Variants in CDK19 observed in about 807,000 individuals in gnomAD.
CDK19 encodes cyclin-dependent kinase 19.
In CDK19, 20 loss-of-function variants were observed where a neutral mutation model predicts 68.3. The observed-to-expected ratio is 0.29, with a 90% CI of 0.21 to 0.43. CDK19 has a LOEUF of 0.43. Among genes scored for constraint, CDK19 ranks in the 20% least tolerant of loss-of-function variants. The pLI is 1.00. For missense variants in CDK19, 339 were observed against 623.5 expected (o/e 0.54, Z 4.86); for synonymous variants, 221 against 222.8 (o/e 0.99, Z 0.07).
chr6:110,683,383 T>C (rs1431695154), intron 2 of CDK19, among the ~76,000 whole-genome samples: 2 of 152,136 alleles, frequency 1.3e-5, no homozygotes, highest in Admixed American at 1.3e-4. Flanking sequence ...AAAATTTCAA[T>C]GCTAACCACT....
intron 1 of CDK19, among the ~76,000 whole-genome samples, chr6:110,753,486 C>T (rs1778617142): frequency 6.6e-6 from 1 of 151,596 alleles, no homozygotes; most frequent in Non-Finnish European, 1.5e-5. Context: ...CAGACTCAAG[C>T]AATCCTCTCA....
At chr6:110,705,042 G>GTTT (rs71664467) in intron 2 of CDK19, among the ~76,000 whole-genome samples, 11 of 140,848 alleles carry the variant, frequency 7.8e-5, no homozygotes, top group Non-Finnish European at 1.1e-4. Flanking sequence ...AAGAAATGTA[G>GTTT]TTTTTTTTTT....
At chr6:110,728,301 AAAG>A (rs1205306575) in intron 2 of CDK19, among the ~76,000 whole-genome samples, 4 of 151,010 alleles carry the variant, frequency 2.6e-5, no homozygotes, top group Non-Finnish European at 4.4e-5. Context: ...AAAAAAAAAA[AAAG>A]AGAGAGAGAG....
intron 1 of CDK19, among the ~76,000 whole-genome samples, chr6:110,751,413 A>G (rs953764142): frequency 4.6e-5 from 7 of 151,736 alleles, no homozygotes; most frequent in African/African-American, 1.7e-4. Context: ...CCTTATGAGA[A>G]TCTAATGCCT....
chr6:110,745,089 T>C (rs1777979404), intron 2 of CDK19, among the ~76,000 whole-genome samples: 1 of 152,218 alleles, frequency 6.6e-6, no homozygotes. Flanking sequence ...TGTGATATTA[T>C]GGTAAAGCCC....
chr6:110,681,672 CTT>C (rs1772029183), intron 2 of CDK19, among the ~76,000 whole-genome samples: 1 of 152,184 alleles, frequency 6.6e-6, no homozygotes, highest in Non-Finnish European at 1.5e-5. Flanking sequence ...ACTTTAATCT[CTT>C]GTCTAACAAA....
At chr6:110,738,764 G>A (rs1256356321) in intron 2 of CDK19, among the ~76,000 whole-genome samples, 1 of 152,090 alleles carries the variant, frequency 6.6e-6, no homozygotes, top group Non-Finnish European at 1.5e-5. Flanking sequence ...ATTTAAAAAA[G>A]CAAAGGTTTA....
At chr6:110,714,541 T>A (rs148899964) in intron 2 of CDK19, among the ~76,000 whole-genome samples, 81 of 152,216 alleles carry the variant, frequency 5.3e-4, no homozygotes, top group African/African-American at 2.0e-3. Context: ...GGGTCCAATG[T>A]CTCTAAATCC....
At chr6:110,774,980 G>C (rs559827342) in intron 1 of CDK19, among the ~76,000 whole-genome samples, 86 of 152,080 alleles carry the variant, frequency 5.7e-4, no homozygotes, top group African/African-American at 2.0e-3. Context: ...GGGTGCGGTG[G>C]CTCACACCTG....
At chr6:110,657,448 T>C (rs956266026) in intron 4 of CDK19, among the ~76,000 whole-genome samples, 1 of 152,222 alleles carries the variant, frequency 6.6e-6, no homozygotes, top group Admixed American at 6.5e-5. Flanking sequence ...CCTGTGGTGT[T>C]AATTGCCCAG....
At chr6:110,703,216 G>C (rs917130842) in intron 2 of CDK19, among the ~76,000 whole-genome samples, 1 of 152,080 alleles carries the variant, frequency 6.6e-6, no homozygotes, top group African/African-American at 2.4e-5. Context: ...GAAAACACCA[G>C]TGCACATCAT....
chr6:110,686,890 A>T (rs1289509768), intron 2 of CDK19, among the ~76,000 whole-genome samples: 1 of 152,164 alleles, frequency 6.6e-6, no homozygotes, highest in Admixed American at 6.5e-5. Flanking sequence ...TATCTTTATA[A>T]CTTACACTTC....
rs145535321 is a variant in CDK19, at chr6:110,815,100, G to A, written c.37C>T (p.Arg13Trp). The change falls in exon 1 of 13, where the codon CGG becomes TGG. Residue 13 changes from arginine to tryptophan, a missense_variant. Physicochemically the swap from Arg to Trp is moderately radical, Grantham distance 101. Transcript: ENST00000368911. ...YDFKAKLAAE[R>W]ERVEDLFEYE... ...TCAAACAAATCCTCCACCCGCTCCC[G>A]CTCCGCCGCCAGCTTCGCCTTGAAA... The A allele has an allele frequency of 1.2e-6, 2 of 1,601,954 alleles. No homozygotes were observed. Among genetic ancestry groups the A allele is most frequent in the African/African-American group, 1.4e-5 (1 of 72,894 alleles).
chr6:110,715,521 C>T (rs1055342453), intron 2 of CDK19, among the ~76,000 whole-genome samples: 8 of 152,092 alleles, frequency 5.3e-5, no homozygotes, highest in Non-Finnish European at 1.2e-4. Context: ...AGACTAGTCG[C>T]TCTGTTGCCC....
At chr6:110,771,445 G>A (rs552168908) in intron 1 of CDK19, among the ~76,000 whole-genome samples, 84 of 152,094 alleles carry the variant, frequency 5.5e-4, no homozygotes, top group Non-Finnish European at 1.1e-3. Context: ...TGGGATGCAG[G>A]GCACCAAGTC....
chr6:110,670,739 T>C, intron 2 of CDK19, 198 bp from the exon 3 acceptor site: 1 of 640,894 alleles, frequency 1.6e-6, no homozygotes, highest in Non-Finnish European at 2.8e-6. Flanking sequence ...TTTCCAATCC[T>C]TTTTCTATGT....
At chr6:110,674,752 A>C (rs2114474518) in intron 2 of CDK19, among the ~76,000 whole-genome samples, 1 of 152,270 alleles carries the variant, frequency 6.6e-6, no homozygotes, top group South Asian at 2.1e-4. Flanking sequence ...AATAGAAAAA[A>C]TTAGCTGGGC....
intron 4 of CDK19, chr6:110,643,311 T>C (rs1353090886): frequency 8.9e-6 from 6 of 671,960 alleles, no homozygotes; most frequent in African/African-American, 1.9e-5. Flanking sequence ...GTAAGAACCA[T>C]AAAAGCTGAA....
intron 2 of CDK19, among the ~76,000 whole-genome samples, chr6:110,701,190 C>A (rs979700547): frequency 6.6e-6 from 1 of 150,794 alleles, no homozygotes; most frequent in Non-Finnish European, 1.5e-5. Flanking sequence ...GGTGACAGAG[C>A]GAGACTCCAT....
Sources: allele counts gnomAD v4.1 joint callset (sites outside exome capture counted in the v4.1 genomes callset), GRCh38; gene constraint gnomAD v4.1.1; transcripts MANE v1.5; gene names NCBI Gene and HGNC (gene_info 2026-07-23, HGNC 2026-07-21).